The following THAP5 variants were observed in gnomAD, a reference collection of about 807,000 sequenced individuals.
The protein encoded by THAP5 is THAP domain containing 5.
In THAP5, 26 loss-of-function variants were observed where a neutral mutation model predicts 34.0. The ratio of observed to expected loss-of-function variants is 0.77; its 90% confidence interval spans 0.56 to 1.06. The LOEUF (loss-of-function observed/expected upper bound fraction) is 1.06. THAP5 is among the 50% of genes least tolerant of loss of function. The probability of loss-of-function intolerance (pLI) is 0.00; values close to 1 mark genes in which losing one functional copy is unlikely to be tolerated. For synonymous variants in THAP5, 125 were observed against 153.0 expected, an observed-to-expected ratio of 0.82 and a Z score of 1.35; for missense variants, 394 against 452.8, an observed-to-expected ratio of 0.87 and a Z score of 1.18.
downstream of THAP5, among the ~76,000 whole-genome samples, chr7:108,554,047 G>C (rs1364172346): frequency 6.6e-6 from 1 of 152,118 alleles, no homozygotes; most frequent in African/African-American, 2.4e-5. Context: ...CATTATAAAA[G>C]GGTGAGTTTG....
rs1334312426 is a variant in THAP5 at position 108,563,167 on chromosome 7, C to A, written c.*1024G>T. The A allele has an allele frequency of 6.6e-6, 1 of 152,112 alleles. No homozygotes were observed. The highest frequency in any genetic ancestry group is 1.5e-5 in the Non-Finnish European group (1 of 68,018). The allele number at this position is 152,112 out of a possible 1,614,324, so 9.4% of individuals were successfully genotyped here. A position where few individuals can be genotyped will look rare whatever the true frequency, so the allele number is the denominator to read the frequency against. ...TAAGTTACCGAAATACATATTCTTT[C>A]AAGTTTGAAGTACCTCTCCTAAGAA... On this transcript the variant is annotated 3_prime_UTR_variant, in exon 3 of 3. Transcript: ENST00000415914.
chr7:108,545,185 A>C, the THAP5 span, among the ~76,000 whole-genome samples: 1 of 152,224 alleles, frequency 6.6e-6, no homozygotes, highest in South Asian at 2.1e-4. Context: ...CCATAAAATG[A>C]ATTGATATAA....
rs543037253 is a variant in THAP5, at chr7:108,564,963, T to G, written c.416A>C (p.His139Pro). 2 of 1,558,818 alleles carry G rather than the reference T, an allele frequency of 1.3e-6. No individual in the cohort carries two copies. The highest frequency in any genetic ancestry group is 2.7e-5 in the African/African-American group (2 of 73,642). ...GGAAGATGAATGAAGTAATTCTGGA[T>G]GTTGATGGGGCACATCTGTGTTAAC... Reference protein sequence around the residue: ...NIVNTDVPHQHPELLHSSSLV... With the variant: ...NIVNTDVPHQPPELLHSSSLV... The change falls in exon 3 of 3, where the codon CAT (histidine) becomes CCT (proline). Residue 139 changes from histidine (H) to proline (P), a missense_variant. His to Pro is a moderately conservative substitution (Grantham distance 77, BLOSUM62 -2). Transcript: ENST00000415914.
downstream of THAP5, among the ~76,000 whole-genome samples, chr7:108,558,381 G>GTGTATA (rs1321603472): frequency 1.3e-4 from 12 of 93,826 alleles, no homozygotes; most frequent in Non-Finnish European, 2.2e-4. Flanking sequence ...GTGTGTGTAT[G>GTGTATA]TATATATATA....
At chr7:108,542,124 T>A in the THAP5 span, among the ~76,000 whole-genome samples, 1 of 152,208 alleles carries the variant, frequency 6.6e-6, no homozygotes, top group Non-Finnish European at 1.5e-5. Flanking sequence ...GTATTGCTAT[T>A]CTGTCACTGT....
At chr7:108,551,367 A>C (rs1864352509), downstream of THAP5, among the ~76,000 whole-genome samples, 1 of 152,196 alleles carries the variant, frequency 6.6e-6, no homozygotes, top group South Asian at 2.1e-4. Context: ...GCTTGCAAGA[A>C]TGTGTTCCCT....
At position 108,564,906 on chromosome 7, in the gene THAP5, C is replaced by G. The variant is rs753938655; in HGVS notation, c.473G>C (p.Ser158Thr). Residue 158 changes from serine to threonine, a missense_variant, in exon 3 of 3, where the codon AGT (serine) becomes ACT (threonine). Physicochemically the swap from Ser to Thr is moderately conservative, Grantham distance 58. Transcript: ENST00000415914. ...LVKPPAPKTG[S>T]IQNNMLTLNL... ...AAGAGTTAACATGTTATTTTGTATA[C>G]TTCCTGTTTTGGGAGCTGGTGGCTT... The G allele has an allele frequency of 6.3e-7, 1 of 1,586,998 alleles. No individual in the cohort carries two copies.
rs997588971 is a variant in THAP5 at position 108,555,419 on chromosome 7, C to T, written n.109-560G>A. 5.9e-5 allele frequency among the ~76,000 whole-genome samples: 9 copies of T among 152,278 alleles called. No homozygotes were observed. The East Asian group carries it at 1.7e-3, about 29-fold the overall frequency. Reference sequence around the variant, plus strand: ...CTGACCTCAAGCGATGCACCCACCTCAGCCTCCCAAAGTGCTGGGATTGCA... The same window carrying T: ...CTGACCTCAAGCGATGCACCCACCTTAGCCTCCCAAAGTGCTGGGATTGCA... On this transcript the variant is annotated intron_variant and non_coding_transcript_variant, in intron 1 of 1. Coordinates refer to the THAP5 transcript ENST00000468884.
At chr7:108,567,478 T>TA (rs1430139458) in intron 1 of THAP5, among the ~76,000 whole-genome samples, 2 of 152,030 alleles carry the variant, frequency 1.3e-5, no homozygotes, top group African/African-American at 4.8e-5. Flanking sequence ...ATCAACTCAT[T>TA]AAAAAAAACT....
At chr7:108,566,410 A>C (rs925849743) in intron 1 of THAP5, among the ~76,000 whole-genome samples, 2 of 152,232 alleles carry the variant, frequency 1.3e-5, no homozygotes, top group African/African-American at 4.8e-5. Context: ...ATAAATTCCT[A>C]TTCAAATGTA....
At chr7:108,552,058 G>C (rs931426430), downstream of THAP5, among the ~76,000 whole-genome samples, 3 of 152,166 alleles carry the variant, frequency 2.0e-5, no homozygotes, top group Non-Finnish European at 4.4e-5. Flanking sequence ...ATAGAGGCTA[G>C]GTGGGGTGGG....
chr7:108,545,417 A>G, the THAP5 span, among the ~76,000 whole-genome samples: 1 of 152,230 alleles, frequency 6.6e-6, no homozygotes, highest in Admixed American at 6.5e-5. Context: ...TCTAAGTCTC[A>G]AGTGACAATT....
chr7:108,569,199 T>G, intron 1 of THAP5: 1 of 1,310,746 alleles, frequency 7.6e-7, no homozygotes, highest in Non-Finnish European at 9.8e-7. Flanking sequence ...TGAGATCACG[T>G]GAAGTGGGGA....
chr7:108,561,618 T>G (rs982997086), downstream of THAP5, among the ~76,000 whole-genome samples: 1 of 151,926 alleles, frequency 6.6e-6, no homozygotes, highest in Non-Finnish European at 1.5e-5. Context: ...TGTGATGAGA[T>G]CCTCATCTTG....
chr7:108,565,800 C>T, intron 2 of THAP5, 30 bp downstream of exon 2: 2 of 1,478,170 alleles, frequency 1.4e-6, no homozygotes, highest in Non-Finnish European at 1.8e-6. Flanking sequence ...CCACTCTGCT[C>T]AGCATTACCC....
the THAP5 span, among the ~76,000 whole-genome samples, chr7:108,546,175 G>A: frequency 3.3e-5 from 5 of 152,120 alleles, no homozygotes; most frequent in Admixed American, 6.6e-5. Context: ...TCAACCATCT[G>A]TCAATCAGAT....
In THAP5 at chr7:108,564,336, A is replaced by C; in HGVS notation, c.1043T>G (p.Leu348Arg). The C allele has an allele frequency of 1.2e-6, 2 of 1,613,880 alleles. No individual in the cohort carries two copies. The highest frequency in any genetic ancestry group is 1.7e-6 in the Non-Finnish European group (2 of 1,179,876). ...VSKLHSKITL[L>R]ELKEQQTLGR... ...TAGAGTTTGTTGCTCTTTTAACTCT[A>C]GAAGAGTTATCTTTGAATGTAGCTT... is the stretch of plus-strand genomic sequence containing the variant. Residue 348 changes from leucine (L) to arginine (R), a missense_variant, in exon 3 of 3, where the codon CTA (leucine) becomes CGA (arginine). Coordinates refer to ENST00000415914, the MANE Select transcript of THAP5 (RefSeq NM_001130475.3).
the THAP5 span, among the ~76,000 whole-genome samples, chr7:108,542,416 C>T: frequency 1.3e-5 from 2 of 152,110 alleles, no homozygotes; most frequent in Admixed American, 1.3e-4. Flanking sequence ...TTTCCCTGGT[C>T]AGATATTTAG....
At chr7:108,560,001 A>G (rs1864414995), downstream of THAP5, among the ~76,000 whole-genome samples, 1 of 152,240 alleles carries the variant, frequency 6.6e-6, no homozygotes, top group African/African-American at 2.4e-5. Flanking sequence ...TTATAGTTTG[A>G]TCTTAATATC....
Sources: allele counts gnomAD v4.1 joint callset (sites outside exome capture counted in the v4.1 genomes callset), GRCh38; gene constraint gnomAD v4.1.1; transcripts MANE v1.5; gene names NCBI Gene and HGNC (gene_info 2026-07-23, HGNC 2026-07-21).